Variants in MMP16 observed in about 807,000 individuals in gnomAD.
MMP16 encodes matrix metallopeptidase 16, also known as matrix metalloproteinase-16.
In MMP16, 12 loss-of-function variants were observed where a neutral mutation model predicts 67.8. That is an observed-to-expected ratio of 0.18 (90% CI 0.11 to 0.29). The LOEUF (loss-of-function observed/expected upper bound fraction) is 0.29. MMP16 is among the 10% of genes least tolerant of loss of function. The pLI, the probability that MMP16 is intolerant of heterozygous loss-of-function variation, is 1.00. For synonymous variants in MMP16, 249 were observed against 255.9 expected, an observed-to-expected ratio of 0.97 and a Z score of 0.26; for missense variants, 475 against 765.7, an observed-to-expected ratio of 0.62 and a Z score of 4.48.
At chr8:88,181,487 G>A (rs1220950510) in intron 3 of MMP16, among the ~76,000 whole-genome samples, 2 of 151,752 alleles carry the variant, frequency 1.3e-5, no homozygotes, top group African/African-American at 2.4e-5. Context: ...ATATGCATAT[G>A]AGGAAAAGTA....
intron 6 of MMP16, among the ~76,000 whole-genome samples, chr8:88,082,792 A>G (rs1808774086): frequency 6.6e-6 from 1 of 151,658 alleles, no homozygotes; most frequent in South Asian, 2.1e-4. Context: ...TTTTATTTTT[A>G]TTAAATTTTG....
chr8:88,282,496 T>C (rs888977644), intron 1 of MMP16, among the ~76,000 whole-genome samples: 4 of 152,214 alleles, frequency 2.6e-5, no homozygotes, highest in Non-Finnish European at 5.9e-5. Flanking sequence ...TAAAAACAAA[T>C]AATGTTGAGT....
chr8:88,186,447 A>C, intron 3 of MMP16, 29 bp downstream of exon 3: 1 of 1,612,292 alleles, frequency 6.2e-7, no homozygotes, highest in South Asian at 1.1e-5. Context: ...ATATGGGGAA[A>C]AGGGGAGATT....
intron 1 of MMP16, among the ~76,000 whole-genome samples, chr8:88,243,833 G>C (rs1038630713): frequency 1.3e-5 from 2 of 152,010 alleles, no homozygotes; most frequent in African/African-American, 2.4e-5. Context: ...CTGCTTTCTA[G>C]GTAATAGTCC....
intron 1 of MMP16, among the ~76,000 whole-genome samples, chr8:88,256,196 AT>A (rs548823887): frequency 4.9e-4 from 75 of 152,052 alleles, no homozygotes; most frequent in Admixed American, 7.9e-4. Context: ...CTAAATACTT[AT>A]TTTTTTTAAT....
At chr8:88,069,286 A>T in intron 7 of MMP16, 1 of 338,202 alleles carries the variant, frequency 3.0e-6, no homozygotes, top group Non-Finnish European at 5.9e-6. Context: ...ATTTTTTTGC[A>T]GATTGATCCC....
intron 7 of MMP16, among the ~76,000 whole-genome samples, chr8:88,057,730 G>A (rs565697702): frequency 2.6e-4 from 39 of 152,144 alleles, no homozygotes; most frequent in South Asian, 2.3e-3. Context: ...TTGTAACCAT[G>A]GGTAATCTCA....
At chr8:88,272,748 A>G (rs542548341) in intron 1 of MMP16, among the ~76,000 whole-genome samples, 1 of 152,338 alleles carries the variant, frequency 6.6e-6, no homozygotes, top group East Asian at 1.9e-4. Flanking sequence ...AAATTGCAGA[A>G]CAGTGAACAT....
At chr8:88,159,878 T>C (rs555358149) in intron 4 of MMP16, among the ~76,000 whole-genome samples, 1 of 152,198 alleles carries the variant, frequency 6.6e-6, no homozygotes, top group Non-Finnish European at 1.5e-5. Flanking sequence ...TTTCTGCATC[T>C]ATTGAGATAA....
intron 1 of MMP16, among the ~76,000 whole-genome samples, chr8:88,226,728 G>A (rs944244145): frequency 4.6e-5 from 7 of 151,860 alleles, no homozygotes; most frequent in African/African-American, 1.7e-4. Context: ...GTCTTGGTAA[G>A]GCATGTCCGA....
chr8:88,204,934 A>C (rs1478968851), intron 1 of MMP16, among the ~76,000 whole-genome samples: 1 of 152,130 alleles, frequency 6.6e-6, no homozygotes, highest in Non-Finnish European at 1.5e-5. Context: ...ATTTCTTAGA[A>C]TGCCTTCCAA....
chr8:88,178,011 G>C (rs968567282), intron 3 of MMP16, among the ~76,000 whole-genome samples: 1 of 143,374 alleles, frequency 7.0e-6, no homozygotes, highest in African/African-American at 2.6e-5. Flanking sequence ...AGGAGACAAA[G>C]AAAAAAAAAA....
intron 4 of MMP16, among the ~76,000 whole-genome samples, chr8:88,136,347 T>C (rs1388120815): frequency 4.6e-5 from 7 of 151,886 alleles, no homozygotes; most frequent in Non-Finnish European, 1.5e-5. Context: ...GGTTCCCATG[T>C]CTTTCTCAAT....
intron 1 of MMP16, among the ~76,000 whole-genome samples, chr8:88,257,201 A>G (rs1390852987): frequency 1.3e-5 from 2 of 152,200 alleles, no homozygotes; most frequent in Non-Finnish European, 2.9e-5. Context: ...TTAAGGACCT[A>G]CATCCATTCA....
At chr8:88,073,741 G>T (rs1271533272) in intron 7 of MMP16, among the ~76,000 whole-genome samples, 1 of 152,018 alleles carries the variant, frequency 6.6e-6, no homozygotes, top group Non-Finnish European at 1.5e-5. Context: ...GTTTGATTCT[G>T]GGAATAATTG....
intron 1 of MMP16, among the ~76,000 whole-genome samples, chr8:88,245,086 C>A (rs958436112): frequency 9.2e-5 from 14 of 152,138 alleles, no homozygotes; most frequent in African/African-American, 3.4e-4. Context: ...TCTATTCCTT[C>A]TTTGCCATGT....
chr8:88,265,538 G>A (rs1810462847), intron 1 of MMP16, among the ~76,000 whole-genome samples: 1 of 151,956 alleles, frequency 6.6e-6, no homozygotes, highest in Admixed American at 6.6e-5. Context: ...GTAAAATATG[G>A]GTAAAGTTTA....
intron 1 of MMP16, among the ~76,000 whole-genome samples, chr8:88,198,520 G>A (rs1296039194): frequency 1.3e-5 from 2 of 151,862 alleles, no homozygotes; most frequent in Non-Finnish European, 2.9e-5. Flanking sequence ...GAACTTCAAC[G>A]TCTAAAACAG....
chr8:88,230,172 A>G (rs1465062599), intron 1 of MMP16, among the ~76,000 whole-genome samples: 8 of 152,228 alleles, frequency 5.3e-5, no homozygotes, highest in African/African-American at 1.9e-4. Context: ...CAGAGACAGG[A>G]CATTTTTAAA....
Sources: gnomAD v4.1 joint callset for allele counts (sites outside exome capture counted in the v4.1 genomes callset) on GRCh38, gnomAD v4.1.1 for gene constraint, MANE v1.5 for transcripts, NCBI Gene and HGNC (gene_info 2026-07-23, HGNC 2026-07-21) for gene names.